The following WDFY4 variants were observed in gnomAD, a reference collection of about 807,000 sequenced individuals.
WDFY4 encodes the protein WDFY family member 4, also known as WD repeat- and FYVE domain-containing protein 4.
WDFY4 carries 169 observed loss-of-function variants against 351.9 expected under a neutral mutation model. The observed-to-expected ratio is 0.48, with a 90% confidence interval of 0.42 to 0.55. WDFY4 has a LOEUF of 0.55. Among genes scored for constraint, WDFY4 ranks in the 20% least tolerant of loss-of-function variants. The pLI is 0.00. For missense variants in WDFY4, 3,803 were observed against 3,935.6 expected, an observed-to-expected ratio of 0.97 and a Z score of 0.90; for synonymous variants, 1,622 against 1,574.6, an observed-to-expected ratio of 1.03 and a Z score of -0.71.
Position 48,826,807 on chromosome 10 carries a change from G to A in WDFY4, c.6119G>A (p.Gly2040Asp). The stretch of plus-strand genomic sequence containing the variant: ...TGCCTCGGCCTTCTCAGCATCCTGG[G>A]CTTTCTGCAGGAGCACTGGGATGTT... ...SECLGLLSILGFLQEHWDVVF... is the reference protein window; with the variant it reads ...SECLGLLSILDFLQEHWDVVF... Residue 2040 changes from glycine to aspartate, a missense_variant, in exon 36 of 62, where the codon GGC becomes GAC. Gly to Asp is a moderately conservative substitution (Grantham distance 94). Around this residue, in one of 3 missense-constraint regions of WDFY4, gnomAD observed 3,054 missense variants for 3,148.6 expected, o/e 0.97. Coordinates refer to ENST00000325239, the MANE Select transcript of WDFY4 (RefSeq NM_001394531.1). 2 of 1,551,894 alleles carry A rather than the reference G, an allele frequency of 1.3e-6. No homozygotes were observed. The highest frequency in any genetic ancestry group is 1.7e-6 in the Non-Finnish European group (2 of 1,147,016).
intron 7 of WDFY4, among the ~76,000 whole-genome samples, chr10:48,728,088 G>A (rs577597512): frequency 6.6e-6 from 1 of 152,368 alleles, no homozygotes; most frequent in African/African-American, 2.4e-5. Context: ...GGGTGGGCTT[G>A]CTCTGCATGG....
At chr10:48,717,468 A>C (rs1290944130) in intron 2 of WDFY4, among the ~76,000 whole-genome samples, 1 of 152,224 alleles carries the variant, frequency 6.6e-6, no homozygotes, top group Non-Finnish European at 1.5e-5. Context: ...ATAATAAATA[A>C]AACATTTCAG....
rs552406170 is a variant in WDFY4, at chr10:48,743,085, C to T, written c.1996C>T (p.Leu666=). Residue 666 remains leucine, a synonymous_variant, in exon 12 of 62, where the codon CTG becomes TTG. Transcript: ENST00000325239. ...GGAAGGCTCCCTCCAGGAGCCCCCG[C>T]TGCAGGCATGGGGAGCAGTATCCCC... ...DLEGSLQEPP[L]QAWGAVSPRQ... 4.5e-6 allele frequency: 7 copies of T among 1,551,734 alleles called. No homozygotes were observed. The highest frequency in any genetic ancestry group is 3.9e-5 in the Admixed American group (2 of 51,010).
intron 12 of WDFY4, among the ~76,000 whole-genome samples, chr10:48,752,451 AT>A (rs1182500028): frequency 2.0e-5 from 3 of 152,254 alleles, no homozygotes; most frequent in African/African-American, 7.2e-5. Flanking sequence ...ATTCCATAGA[AT>A]TTAATGCATT....
rs528475616 is a variant in WDFY4 at position 48,872,873 on chromosome 10, C to G, written c.6742-618C>G. ...AGCTCCTGTGAATATTCTAGAATCT[C>G]TGAACATTCTGGAATCTATGACATT... On this transcript the variant is annotated intron_variant, in intron 40 of 61. Transcript: ENST00000325239. Among the ~76,000 whole-genome samples the G allele has an allele frequency of 2.4e-3, 372 of 152,294 alleles. 2 individuals carry two copies. The highest frequency in any genetic ancestry group is 0.016 in the South Asian group (79 of 4,826).
intron 2 of WDFY4, among the ~76,000 whole-genome samples, chr10:48,717,474 T>C (rs2063945146): frequency 1.3e-5 from 2 of 152,140 alleles, no homozygotes; most frequent in East Asian, 3.8e-4. Flanking sequence ...AATAAAACAT[T>C]TCAGGTAAAC....
At chr10:48,722,129 G>A (rs1359425976) in intron 4 of WDFY4, among the ~76,000 whole-genome samples, 2 of 152,228 alleles carry the variant, frequency 1.3e-5, no homozygotes, top group African/African-American at 2.4e-5. Flanking sequence ...GCCGTGCTTG[G>A]AAGGGTGATA....
At chr10:48,740,153 T>G (rs761222400) in intron 11 of WDFY4, among the ~76,000 whole-genome samples, 8 of 152,166 alleles carry the variant, frequency 5.3e-5, no homozygotes, top group Non-Finnish European at 1.0e-4. Context: ...TCACATAAAT[T>G]TAGTCTGTTT....
intron 23 of WDFY4, among the ~76,000 whole-genome samples, chr10:48,794,324 C>T (rs536393030): frequency 8.5e-4 from 129 of 152,218 alleles, no homozygotes; most frequent in Non-Finnish European, 1.5e-3. Context: ...TGTGAGCAGC[C>T]TGGGCAGGTG....
At chr10:48,966,456 A>G in intron 54 of WDFY4, 70 bp from the exon 55 acceptor site, 1 of 1,469,780 alleles carries the variant, frequency 6.8e-7, no homozygotes, top group Non-Finnish European at 9.2e-7. Flanking sequence ...GTGCAGCTAC[A>G]GTGTGCACAG....
Position 48,810,590 on chromosome 10 carries a change from C to T in WDFY4, c.4899C>T (p.Gly1633=). The change falls in exon 29 of 62, where the codon GGC becomes GGT. Residue 1633 remains glycine, a synonymous_variant. Coordinates refer to ENST00000325239, the MANE Select transcript of WDFY4 (RefSeq NM_001394531.1). ...GPDWFLLLLQ[G]HLHASTTVLA... ...ACTGGTTCCTGCTGCTCCTGCAGGG[C>T]CACCTGCATGCCAGCACCACTGTGC... 1 of 1,551,666 alleles carries T rather than the reference C, an allele frequency of 6.4e-7. No homozygotes were observed. Among genetic ancestry groups the T allele is most frequent in the African/African-American group, 1.4e-5 (1 of 73,170 alleles).
intron 39 of WDFY4, among the ~76,000 whole-genome samples, chr10:48,850,125 T>C (rs888466814): frequency 6.6e-6 from 1 of 152,208 alleles, no homozygotes; most frequent in Non-Finnish European, 1.5e-5. Flanking sequence ...TTAACCCTTA[T>C]CATGGAGTTA....
chr10:48,936,428 G>GA (rs1459213291), intron 47 of WDFY4, among the ~76,000 whole-genome samples: 13 of 151,804 alleles, frequency 8.6e-5, no homozygotes, highest in Non-Finnish European at 1.8e-4. Context: ...ATTTAAAATT[G>GA]AAATTAAATA....
chr10:48,804,423 C>T (rs985890776), intron 25 of WDFY4, among the ~76,000 whole-genome samples: 1 of 152,134 alleles, frequency 6.6e-6, no homozygotes, highest in Non-Finnish European at 1.5e-5. Context: ...GAACCAAGGG[C>T]AGCCGGGACT....
intron 1 of WDFY4, among the ~76,000 whole-genome samples, chr10:48,692,318 C>T (rs1472696954): frequency 3.9e-5 from 6 of 152,312 alleles, no homozygotes; most frequent in Non-Finnish European, 7.3e-5. Context: ...TTACCCTATC[C>T]GAGTGACAGG....
chr10:48,773,997 C>T (rs1407727676), intron 13 of WDFY4, among the ~76,000 whole-genome samples: 1 of 152,146 alleles, frequency 6.6e-6, no homozygotes, highest in African/African-American at 2.4e-5. Context: ...GCACCAGCCA[C>T]CTTCCCCCCA....
chr10:48,962,105 C>G (rs1258453616), intron 53 of WDFY4, among the ~76,000 whole-genome samples: 4 of 152,178 alleles, frequency 2.6e-5, no homozygotes, highest in Non-Finnish European at 4.4e-5. Flanking sequence ...GGTCAGCTGT[C>G]CTGGCCTATG....
intron 48 of WDFY4, 87 bp downstream of exon 48, chr10:48,941,935 A>C: frequency 7.7e-7 from 1 of 1,292,006 alleles, no homozygotes; most frequent in Non-Finnish European, 1.1e-6. Flanking sequence ...AAGTGTGTGG[A>C]TCAACCAAGA....
intron 1 of WDFY4, among the ~76,000 whole-genome samples, chr10:48,693,694 A>G (rs915607376): frequency 2.0e-5 from 3 of 152,220 alleles, no homozygotes; most frequent in Admixed American, 2.0e-4. Flanking sequence ...AAACTGAGTC[A>G]CAGAAAAGCA....
Sources: gnomAD v4.1 joint callset for allele counts (sites outside exome capture counted in the v4.1 genomes callset) on GRCh38, gnomAD v4.1.1 for gene constraint, gnomAD v4.1.1 regional missense constraint, MANE v1.5 for transcripts, NCBI Gene and HGNC (gene_info 2026-07-23, HGNC 2026-07-21) for gene names.